The following HLA-DOB variants were observed in gnomAD, a reference collection of about 807,000 sequenced individuals.
The protein encoded by HLA-DOB is major histocompatibility complex, class II, DO beta.
Under a neutral mutation model 27.7 loss-of-function variants are expected in HLA-DOB, and 25 were observed. The ratio of observed to expected loss-of-function variants is 0.90; its 90% CI spans 0.66 to 1.26. The LOEUF (loss-of-function observed/expected upper bound fraction) is 1.26. HLA-DOB is among the 50% of genes most tolerant of loss of function. The pLI is 0.00. For missense variants in HLA-DOB, 306 were observed against 324.9 expected (o/e 0.94, Z 0.45); for synonymous variants, 137 against 125.6 (o/e 1.09, Z -0.61).
Position 32,813,484 on chromosome 6 carries a change from C to T in HLA-DOB, c.755-13G>A, listed in dbSNP as rs555850915. The T allele has an allele frequency of 9.3e-6, 15 of 1,612,346 alleles. No individual in the cohort carries two copies. Among genetic ancestry groups the T allele is most frequent in the East Asian group, 2.2e-5 (1 of 44,880 alleles). ...GTCCTCACATATCCTGGAAAGAAAT[C>T]GAGAAAAGAATGGATTGCCCCAATT... On this transcript the variant is annotated splice_polypyrimidine_tract_variant and intron_variant, in intron 4 of 5. Coordinates refer to ENST00000438763, the MANE Select transcript of HLA-DOB (RefSeq NM_002120.4).
In HLA-DOB at chr6:32,815,147, C is replaced by A. The variant is rs754394327; in HGVS notation, c.258G>T (p.Gln86His). Residue 86 changes from glutamine to histidine, a missense_variant, in exon 2 of 6, where the codon CAG becomes CAT. Physicochemically the swap from Gln to His is conservative, Grantham distance 24. Coordinates refer to ENST00000438763, the MANE Select transcript of HLA-DOB (RefSeq NM_002120.4). ...CCAAGAGATCCAGCCGGCTGTTCCA[C>A]TGCTCAGCATCTGGCTGCCCCAGCT... The part of the protein sequence containing the change: ...LTKLGQPDAE[Q>H]WNSRLDLLER... The A allele has an allele frequency of 1.9e-6, 3 of 1,614,258 alleles. No individual in the cohort carries two copies. In the South Asian group the frequency reaches 3.3e-5, roughly 18 times the overall value.
In HLA-DOB at chr6:32,812,921, G is replaced by C. The variant is rs1767854316; in HGVS notation, c.*295C>G. 1.2e-5 allele frequency: 6 copies of C among 510,286 alleles called. No individual in the cohort carries two copies. In the Admixed American group the frequency reaches 1.3e-4, roughly 11 times the overall value. 31.6% of individuals were successfully genotyped at this position (510,286 alleles called of 1,614,324 possible). On this transcript the variant is annotated 3_prime_UTR_variant, in exon 6 of 6. Transcript: ENST00000438763. ...ATCATGACTTATAGGAGTAGGGCTGGACCACAGAAAAGTAAATGATTTGGG... is the reference window on the plus strand; with the variant it reads ...ATCATGACTTATAGGAGTAGGGCTGCACCACAGAAAAGTAAATGATTTGGG...
At chr6:32,816,448 T>C (rs1768022945) in intron 1 of HLA-DOB, among the ~76,000 whole-genome samples, 1 of 152,232 alleles carries the variant, frequency 6.6e-6, no homozygotes, top group South Asian at 2.1e-4. Context: ...GTTTCATTTG[T>C]CCACATATAC....
At chr6:32,816,099 C>T (rs904629512) in intron 1 of HLA-DOB, among the ~76,000 whole-genome samples, 1 of 152,000 alleles carries the variant, frequency 6.6e-6, no homozygotes, top group Non-Finnish European at 1.5e-5. Context: ...ATTATAAACT[C>T]AGGGCGGTTT....
intron 1 of HLA-DOB, among the ~76,000 whole-genome samples, chr6:32,816,104 C>T (rs777550853): frequency 2.0e-5 from 3 of 151,966 alleles, no homozygotes; most frequent in Admixed American, 6.5e-5. Flanking sequence ...AAACTCAGGG[C>T]GGTTTCTATT....
intron 5 of HLA-DOB, 52 bp from the exon 6 acceptor site, chr6:32,813,303 G>A (rs1039106381): frequency 6.2e-7 from 1 of 1,607,054 alleles, no homozygotes; most frequent in Non-Finnish European, 8.5e-7. Context: ...ACCCCCCACA[G>A]CCGTTCCAGA....
In HLA-DOB at chr6:32,812,860, G is replaced by T; in HGVS notation, c.*356C>A. 1 of 297,956 alleles carries T rather than the reference G, an allele frequency of 3.4e-6. No homozygotes were observed. 18.5% of individuals were successfully genotyped at this position (297,956 alleles called of 1,614,324 possible). On this transcript the variant is annotated 3_prime_UTR_variant, in exon 6 of 6. Transcript: ENST00000438763. ...CCTGAGCATTTGTCTTCTGAAGACT[G>T]TGGAGACTGCAGTTGGAAGACAGAA...
rs1767852212 is a variant in HLA-DOB at position 32,812,878 on chromosome 6, A to C, written c.*338T>G. 1 of 329,464 alleles carries C rather than the reference A, an allele frequency of 3.0e-6. No homozygotes were observed. The highest frequency in any genetic ancestry group is 5.6e-6 in the Non-Finnish European group (1 of 179,750). The allele number at this position is 329,464 out of a possible 1,614,324, so 20.4% of individuals were successfully genotyped here. A position where few individuals can be genotyped will look rare whatever the true frequency, so the allele number is the denominator to read the frequency against. ...GAAGACTGTGGAGACTGCAGTTGGA[A>C]GACAGAAAGCTTTGGAGATCATGAC... On this transcript the variant is annotated 3_prime_UTR_variant, in exon 6 of 6. Transcript: ENST00000438763.
chr6:32,813,279 G>A (rs756000227), intron 5 of HLA-DOB, 28 bp from the exon 6 acceptor site: 17 of 1,612,708 alleles, frequency 1.1e-5, no homozygotes, highest in Admixed American at 5.0e-5. Flanking sequence ...AAGGTCTCAG[G>A]AGGCAGCCTC....
chr6:32,813,944 TA>T, intron 3 of HLA-DOB, 111 bp from the exon 4 acceptor site: 1 of 743,508 alleles, frequency 1.3e-6, no homozygotes, highest in Non-Finnish European at 2.2e-6. Context: ...TAGAGAAAAA[TA>T]AATAAATTTA....
chr6:32,813,781 G>C lies in HLA-DOB; in HGVS notation c.696C>G (p.Phe232Leu). The change falls in exon 4 of 6, where the codon TTC becomes TTG. Residue 232 changes from phenylalanine (F) to leucine (L), a missense_variant. Coordinates refer to ENST00000438763, the MANE Select transcript of HLA-DOB (RefSeq NM_002120.4). ...WRKMLSGIAA[F>L]LLGLIFLLVG... The stretch of plus-strand genomic sequence containing the variant: ...CCAGAAGGAAGATTAGCCCAAGTAG[G>C]AAGGCTGCAATGCCACTCAGCATCT... The C allele has an allele frequency of 6.4e-7, 1 of 1,565,604 alleles. No individual in the cohort carries two copies. The highest frequency in any genetic ancestry group is 8.7e-7 in the Non-Finnish European group (1 of 1,153,456).
rs1027301699 is a variant in HLA-DOB at position 32,815,010 on chromosome 6, C to A, written c.361+34G>T. The stretch of plus-strand genomic sequence containing the variant: ...TGGCCAGGTTCACATGGGGGACATT[C>A]CTGAGCCCCGCCAGACCTCAGCTTC... On this transcript the variant is annotated intron_variant, in intron 2 of 5. Transcript: ENST00000438763. 4.3e-6 allele frequency: 7 copies of A among 1,609,638 alleles called. No individual in the cohort carries two copies. In the Admixed American group the frequency reaches 1.2e-4, roughly 27 times the overall value.
intron 4 of HLA-DOB, 30 bp from the exon 5 acceptor site, chr6:32,813,501 G>T (rs1767886278): frequency 6.2e-7 from 1 of 1,610,794 alleles, no homozygotes; most frequent in African/African-American, 1.3e-5. Flanking sequence ...AGAATGGATT[G>T]CCCCAATTAG....
chr6:32,814,272 A>G, intron 3 of HLA-DOB, 48 bp downstream of exon 3: 1 of 1,537,474 alleles, frequency 6.5e-7, no homozygotes. Flanking sequence ...GTATTGAGTC[A>G]GTATAGTCCT....
In HLA-DOB at chr6:32,813,769, T is replaced by C. The variant is rs769104615; in HGVS notation, c.708A>G (p.Leu236=). The C allele has an allele frequency of 6.4e-7, 1 of 1,563,816 alleles. No homozygotes were observed. The highest frequency in any genetic ancestry group is 1.2e-5 in the South Asian group (1 of 84,930). Residue 236 remains leucine (L), a synonymous_variant, in exon 4 of 6, where the codon CTA becomes CTG. Transcript: ENST00000438763. ...TGACGATTCCCACCAGAAGGAAGAT[T>C]AGCCCAAGTAGGAAGGCTGCAATGC... ...LSGIAAFLLG[L]IFLLVGIVIQ...
chr6:32,816,807 C>A, intron 1 of HLA-DOB, 54 bp downstream of exon 1: 1 of 1,402,938 alleles, frequency 7.1e-7, no homozygotes, highest in East Asian at 2.3e-5. Flanking sequence ...GGCATCACTC[C>A]CCCATGCCAA....
In HLA-DOB at chr6:32,813,184, A is replaced by G; in HGVS notation, c.*32T>C. On this transcript the variant is annotated 3_prime_UTR_variant, in exon 6 of 6. Transcript: ENST00000438763. Reference sequence around the variant, plus strand: ...GGCCCAGACTACTCATCACTACTTCAGGCTCCAGAGAGAGAAGCTTCAGTG... The same window carrying G: ...GGCCCAGACTACTCATCACTACTTCGGGCTCCAGAGAGAGAAGCTTCAGTG... 1 of 1,607,396 alleles carries G rather than the reference A, an allele frequency of 6.2e-7. No homozygotes were observed. Among genetic ancestry groups the G allele is most frequent in the Non-Finnish European group, 8.5e-7 (1 of 1,174,868 alleles).
intron 2 of HLA-DOB, 54 bp from the exon 3 acceptor site, chr6:32,814,655 A>G (rs368411127): frequency 6.7e-7 from 1 of 1,489,664 alleles, no homozygotes; most frequent in East Asian, 2.3e-5. Context: ...AAGCTGGGAC[A>G]GGAGATTCTT....
chr6:32,816,799 C>T, intron 1 of HLA-DOB, 62 bp downstream of exon 1: 1 of 1,321,512 alleles, frequency 7.6e-7, no homozygotes, highest in Non-Finnish European at 1.1e-6. Flanking sequence ...CAAAGAAAGG[C>T]ATCACTCCCC....
Sources: allele counts gnomAD v4.1 joint callset (sites outside exome capture counted in the v4.1 genomes callset), GRCh38; gene constraint gnomAD v4.1.1; transcripts MANE v1.5; gene names NCBI Gene and HGNC (gene_info 2026-07-23, HGNC 2026-07-21).